EZH2: variants seen among roughly 807,000 people sequenced by gnomAD.
EZH2 encodes the protein enhancer of zeste 2 polycomb repressive complex 2 subunit, also known as histone-lysine N-methyltransferase EZH2.
EZH2 carries 18 observed loss-of-function variants against 98.4 expected under a neutral mutation model. The observed-to-expected ratio is 0.18, with a 90% CI of 0.13 to 0.27. The LOEUF is 0.27. Among genes scored for constraint, EZH2 ranks in the 10% least tolerant of loss-of-function variants. The probability of loss-of-function intolerance (pLI) is 1.00; values close to 1 mark genes in which losing one functional copy is unlikely to be tolerated. For missense variants in EZH2, 470 were observed against 935.1 expected (o/e 0.50, Z 6.49); for synonymous variants, 338 against 312.3 (o/e 1.08, Z -0.87).
At chr7:148,868,490 A>G (rs1325723678) in intron 1 of EZH2, among the ~76,000 whole-genome samples, 1 of 152,224 alleles carries the variant, frequency 6.6e-6, no homozygotes, top group East Asian at 1.9e-4. Context: ...TGTCAGGAGA[A>G]CAGCAAGGGA....
At chr7:148,843,074 G>A (rs1341135314) in intron 3 of EZH2, among the ~76,000 whole-genome samples, 1 of 152,082 alleles carries the variant, frequency 6.6e-6, no homozygotes, top group Admixed American at 6.6e-5. Context: ...CGGGCGTGGT[G>A]GCATATGCCT....
chr7:148,855,869 GCCTAGGCGACA>G (rs1816737913), intron 1 of EZH2, among the ~76,000 whole-genome samples: 1 of 125,352 alleles, frequency 8.0e-6, no homozygotes, highest in African/African-American at 3.0e-5. Flanking sequence ...CTGCACTCCA[GCCTAGGCGACA>G]GAGCAAGACT....
chr7:148,868,705 T>C (rs1176362176), intron 1 of EZH2, among the ~76,000 whole-genome samples: 13 of 151,460 alleles, frequency 8.6e-5, no homozygotes, highest in Non-Finnish European at 1.9e-4. Context: ...AAAACATGAC[T>C]TTTTTTTTGG....
At chr7:148,830,499 G>GA (rs983336053) in intron 4 of EZH2, among the ~76,000 whole-genome samples, 5 of 149,498 alleles carry the variant, frequency 3.3e-5, no homozygotes, top group East Asian at 1.9e-4. Flanking sequence ...AAGGTAAAAT[G>GA]AAAAAAAAAT....
intron 8 of EZH2, among the ~76,000 whole-genome samples, chr7:148,825,725 T>C (rs1420279600): frequency 2.0e-5 from 3 of 152,176 alleles, no homozygotes; most frequent in South Asian, 2.1e-4. Context: ...TACCATGCCA[T>C]AGACAGACGT....
chr7:148,808,700 CAAGT>C (rs1419310694), intron 19 of EZH2, among the ~76,000 whole-genome samples: 3 of 152,104 alleles, frequency 2.0e-5, no homozygotes, highest in Non-Finnish European at 4.4e-5. Context: ...AGTATATTGT[CAAGT>C]AAAACCATGT....
At chr7:148,871,787 C>T (rs780823196) in intron 1 of EZH2, among the ~76,000 whole-genome samples, 37 of 152,052 alleles carry the variant, frequency 2.4e-4, no homozygotes, top group Non-Finnish European at 4.3e-4. Flanking sequence ...GTTGTCCAGG[C>T]TGGTCTCGAA....
intron 1 of EZH2, among the ~76,000 whole-genome samples, chr7:148,866,870 G>A (rs1408554929): frequency 3.4e-5 from 5 of 149,212 alleles, no homozygotes; most frequent in Non-Finnish European, 5.9e-5. Context: ...GCACATCAAC[G>A]CACCCGGCTA....
At position 148,862,176 on chromosome 7, in the gene EZH2, C is replaced by G. The variant is rs774727492; in HGVS notation, c.-7-14871G>C. On this transcript the variant is annotated intron_variant, in intron 1 of 19. Transcript: ENST00000320356. ...TACAAGATTAGATGCAACATGGAAT[C>G]CGAAATTGTATCAGTGAACTTTTCC... Among the ~76,000 whole-genome samples, 5 of 152,250 alleles carry G rather than the reference C, an allele frequency of 3.3e-5. No individual in the cohort carries two copies. The East Asian group carries it at 5.8e-4, about 18-fold the overall frequency.
chr7:148,817,362 T>C lies in EZH2; in HGVS notation c.1270A>G (p.Lys424Glu). 1 of 1,613,736 alleles carries C rather than the reference T, an allele frequency of 6.2e-7. No homozygotes were observed. Among genetic ancestry groups the C allele is most frequent in the South Asian group, 1.1e-5 (1 of 90,908 alleles). ...EANSRCQTPI[K>E]MKPNIEPPEN... ...GGAGGTTCAATATTTGGCTTCATCT[T>C]TATTGGTGTTTGACACCGAGAATTT... Residue 424 changes from lysine to glutamate, a missense_variant, in exon 11 of 20, where the codon AAG becomes GAG. Coordinates refer to ENST00000320356, the MANE Select transcript of EZH2 (RefSeq NM_004456.5).
At chr7:148,865,482 T>A (rs528389720) in intron 1 of EZH2, among the ~76,000 whole-genome samples, 9 of 152,146 alleles carry the variant, frequency 5.9e-5, no homozygotes, top group Non-Finnish European at 1.3e-4. Flanking sequence ...GCTGTTCCCA[T>A]AACCTGCTGG....
intron 1 of EZH2, among the ~76,000 whole-genome samples, chr7:148,848,674 T>A (rs1814850501): frequency 1.3e-5 from 2 of 152,180 alleles, no homozygotes; most frequent in Admixed American, 1.3e-4. Context: ...ATAAATATTA[T>A]GACCCAAGCA....
At chr7:148,836,134 G>C (rs1810866870) in intron 3 of EZH2, among the ~76,000 whole-genome samples, 1 of 152,222 alleles carries the variant, frequency 6.6e-6, no homozygotes, top group East Asian at 1.9e-4. Flanking sequence ...GTCTTGAAAC[G>C]ATACTCAGCA....
intron 8 of EZH2, among the ~76,000 whole-genome samples, chr7:148,820,070 C>T (rs1805568875): frequency 6.6e-6 from 1 of 152,178 alleles, no homozygotes; most frequent in African/African-American, 2.4e-5. Context: ...TTCTGACATA[C>T]AATTTCTTGA....
intron 1 of EZH2, among the ~76,000 whole-genome samples, chr7:148,872,012 T>C (rs1819488024): frequency 6.6e-6 from 1 of 152,350 alleles, no homozygotes; most frequent in South Asian, 2.1e-4. Context: ...GATATTTGTA[T>C]ACCAACATTT....
At chr7:148,808,788 G>A (rs1802247129) in intron 19 of EZH2, among the ~76,000 whole-genome samples, 2 of 152,190 alleles carry the variant, frequency 1.3e-5, no homozygotes, top group South Asian at 4.1e-4. Flanking sequence ...GCAGCATGCG[G>A]CATGATATGA....
rs1814390527 is a variant in EZH2, at chr7:148,847,252, C to T, written c.47G>A (p.Arg16Gln). The change falls in exon 2 of 20, where the codon CGG (arginine) becomes CAG (glutamine). Residue 16 changes from arginine to glutamine, a missense_variant. Physicochemically the swap from Arg to Gln is conservative, Grantham distance 43. Around this residue, in one of 6 missense-constraint regions of EZH2, gnomAD observed 79 missense variants for 122.1 expected, o/e 0.65. Transcript: ENST00000320356. ...KKSEKGPVCW[R>Q]KRVKSEYMRL... The stretch of plus-strand genomic sequence containing the variant: ...CATGTACTCTGATTTTACACGCTTC[C>T]GCCAACAAACTGGTCCCTTCTCAGA... 5 of 1,613,900 alleles carry T rather than the reference C, an allele frequency of 3.1e-6. No homozygotes were observed. The highest frequency in any genetic ancestry group is 4.2e-6 in the Non-Finnish European group (5 of 1,179,908).
chr7:148,851,383 C>CA (rs1563037363), intron 1 of EZH2, among the ~76,000 whole-genome samples: 5 of 152,092 alleles, frequency 3.3e-5, no homozygotes, highest in South Asian at 4.1e-4. Flanking sequence ...AAACCTACCT[C>CA]AAAGTCTGGC....
chr7:148,831,938 A>G (rs577388486), intron 4 of EZH2, among the ~76,000 whole-genome samples: 1 of 152,342 alleles, frequency 6.6e-6, no homozygotes, highest in Admixed American at 6.5e-5. Context: ...CTCATGTTTC[A>G]CAAGCCCTAT....
Sources: allele counts gnomAD v4.1 joint callset (sites outside exome capture counted in the v4.1 genomes callset), GRCh38; gene constraint gnomAD v4.1.1; regional missense constraint gnomAD v4.1.1; transcripts MANE v1.5; gene names NCBI Gene and HGNC (gene_info 2026-07-23, HGNC 2026-07-21).